Variants in AFG2A observed in about 807,000 individuals in gnomAD.
The protein encoded by AFG2A is AAA ATPase AFG2A.
At chr4:122,981,174 T>G in the AFG2A span, among the ~76,000 whole-genome samples, 2 of 152,162 alleles carry the variant, frequency 1.3e-5, no homozygotes, top group African/African-American at 4.8e-5. Context: ...TGATTTTTTG[T>G]ATGTGGTGTG....
At chr4:123,038,499 A>G in the AFG2A span, among the ~76,000 whole-genome samples, 1 of 152,054 alleles carries the variant, frequency 6.6e-6, no homozygotes, top group Admixed American at 6.6e-5. Flanking sequence ...AACTCTTTGT[A>G]CCAAAATACA....
chr4:123,084,973 C>T, the AFG2A span, among the ~76,000 whole-genome samples: 1 of 151,664 alleles, frequency 6.6e-6, no homozygotes, highest in Non-Finnish European at 1.5e-5. Context: ...TTTTTTTTTC[C>T]TTTGTATTAC....
At chr4:123,023,698 A>G in the AFG2A span, among the ~76,000 whole-genome samples, 1 of 152,156 alleles carries the variant, frequency 6.6e-6, no homozygotes, top group Non-Finnish European at 1.5e-5. Context: ...TGGAAGAATT[A>G]TCGTCTCGGG....
At chr4:123,200,221 T>G in the AFG2A span, among the ~76,000 whole-genome samples, 3 of 152,216 alleles carry the variant, frequency 2.0e-5, no homozygotes, top group South Asian at 6.2e-4. Context: ...CAGCCCTGAA[T>G]AAACTGAATA....
At chr4:123,007,571 TGTGTGTGTGTGTGTGTGTGTGTGTG>T in the AFG2A span, among the ~76,000 whole-genome samples, 4 of 4,178 alleles carry the variant, frequency 9.6e-4, 1 homozygote, top group African/African-American at 1.9e-3. Context: ...TGTGTATATG[TGTGTGTGTGTGTGTGTGTGTGTGTG>T]TGTGTGTGTG....
At chr4:122,985,748 G>A in the AFG2A span, among the ~76,000 whole-genome samples, 4 of 142,008 alleles carry the variant, frequency 2.8e-5, no homozygotes, top group East Asian at 8.2e-4. Context: ...TTTATCTTTT[G>A]TATTTTTTTT....
the AFG2A span, among the ~76,000 whole-genome samples, chr4:123,078,297 A>C: frequency 1.3e-5 from 2 of 152,338 alleles, no homozygotes; most frequent in Admixed American, 1.3e-4. Flanking sequence ...CAGAGACAGC[A>C]CAAGATTAGC....
the AFG2A span, among the ~76,000 whole-genome samples, chr4:123,095,967 G>A: frequency 2.6e-5 from 4 of 152,122 alleles, no homozygotes; most frequent in Admixed American, 6.6e-5. Context: ...CTTTTTGACA[G>A]TATTTCAGTT....
At chr4:123,173,486 G>T in the AFG2A span, among the ~76,000 whole-genome samples, 1 of 151,390 alleles carries the variant, frequency 6.6e-6, no homozygotes, top group African/African-American at 2.4e-5. Flanking sequence ...CTCCCGAGTA[G>T]CTGGGCTTAC....
At chr4:123,004,022 C>A in the AFG2A span, among the ~76,000 whole-genome samples, 1 of 152,196 alleles carries the variant, frequency 6.6e-6, no homozygotes, top group Non-Finnish European at 1.5e-5. Flanking sequence ...GCAGGCGCCC[C>A]TTCCCCAGCC....
At chr4:123,110,352 C>T in the AFG2A span, among the ~76,000 whole-genome samples, 1 of 152,088 alleles carries the variant, frequency 6.6e-6, no homozygotes, top group African/African-American at 2.4e-5. Context: ...GTTGATATTT[C>T]ACATTCACAT....
the AFG2A span, chr4:122,938,254 G>A: frequency 6.3e-7 from 1 of 1,578,876 alleles, no homozygotes. Flanking sequence ...GGTTCAGTAA[G>A]TATAGCACTA....
chr4:122,938,549 A>G, the AFG2A span, among the ~76,000 whole-genome samples: 2 of 152,170 alleles, frequency 1.3e-5, no homozygotes, highest in African/African-American at 2.4e-5. Flanking sequence ...TCAGTAAGGA[A>G]GATTTAGCAG....
chr4:122,969,685 A>T, the AFG2A span, among the ~76,000 whole-genome samples: 1 of 152,290 alleles, frequency 6.6e-6, no homozygotes, highest in East Asian at 1.9e-4. Context: ...AGATTTGGGA[A>T]GTTAATACCT....
the AFG2A span, among the ~76,000 whole-genome samples, chr4:122,924,156 T>G: frequency 6.6e-5 from 10 of 152,246 alleles, no homozygotes; most frequent in Non-Finnish European, 1.5e-4. Flanking sequence ...GAGGACAACT[T>G]GTTCTGTCCT....
chr4:123,154,988 C>T, the AFG2A span, among the ~76,000 whole-genome samples: 1 of 151,964 alleles, frequency 6.6e-6, no homozygotes, highest in African/African-American at 2.4e-5. Context: ...TCTTTTCTTC[C>T]CTCCCTCTCT....
At chr4:123,014,153 C>T in the AFG2A span, among the ~76,000 whole-genome samples, 1 of 152,122 alleles carries the variant, frequency 6.6e-6, no homozygotes, top group African/African-American at 2.4e-5. Flanking sequence ...TCTATATTTT[C>T]CATATTCCTT....
the AFG2A span, among the ~76,000 whole-genome samples, chr4:123,302,675 G>T: frequency 6.6e-6 from 1 of 152,026 alleles, no homozygotes; most frequent in Admixed American, 6.6e-5. Context: ...AGGCTGCAGG[G>T]CCTTTATGGA....
the AFG2A span, among the ~76,000 whole-genome samples, chr4:122,925,723 A>AT: frequency 6.6e-6 from 1 of 152,044 alleles, no homozygotes; most frequent in Non-Finnish European, 1.5e-5. Context: ...ACTCTAAGTC[A>AT]TTTTTTCATT....
Sources: allele counts gnomAD v4.1 joint callset (sites outside exome capture counted in the v4.1 genomes callset), GRCh38; gene constraint gnomAD v4.1.1; transcripts MANE v1.5; gene names NCBI Gene and HGNC (gene_info 2026-07-23, HGNC 2026-07-21).